MAPKAP1: variants seen among roughly 807,000 people sequenced by gnomAD.
MAPKAP1 encodes MAPK associated protein 1.
In MAPKAP1, 20 loss-of-function variants were observed where a neutral mutation model predicts 65.7. That is an observed-to-expected ratio of 0.30 (90% CI 0.21 to 0.44). The LOEUF (loss-of-function observed/expected upper bound fraction) is 0.44. MAPKAP1 is among the 20% of genes least tolerant of loss of function. MAPKAP1 has a pLI of 1.00. For missense variants in MAPKAP1, 423 were observed against 648.0 expected, an observed-to-expected ratio of 0.65 and a Z score of 3.77; for synonymous variants, 222 against 244.3, an observed-to-expected ratio of 0.91 and a Z score of 0.85.
At chr9:125,698,180 T>C (rs942646145) in intron 1 of MAPKAP1, among the ~76,000 whole-genome samples, 4 of 147,722 alleles carry the variant, frequency 2.7e-5, no homozygotes, top group Non-Finnish European at 5.9e-5. Context: ...AAAAAGTATA[T>C]ATATATACAC....
At chr9:125,526,946 T>G (rs1385697420) in intron 7 of MAPKAP1, among the ~76,000 whole-genome samples, 1 of 151,610 alleles carries the variant, frequency 6.6e-6, no homozygotes, top group Non-Finnish European at 1.5e-5. Context: ...GCTAATTTTT[T>G]GTATTTTTAA....
At position 125,508,688 on chromosome 9, in the gene MAPKAP1, C is replaced by CA. The variant is rs1449399238; in HGVS notation, c.959-2272dup. ...GAAACACAGTGAGCCTTCATCTCTA[C>CA]AAAAAAATTTTTTTAAATTAGCTGG... On this transcript the variant is annotated intron_variant, in intron 7 of 11. Transcript: ENST00000265960. Among the ~76,000 whole-genome samples the CA allele has an allele frequency of 4.6e-5, 7 of 152,176 alleles. No individual in the cohort carries two copies. The South Asian group carries it at 6.2e-4, about 14-fold the overall frequency.
At chr9:125,641,794 G>A (rs1450484632) in intron 4 of MAPKAP1, among the ~76,000 whole-genome samples, 1 of 152,138 alleles carries the variant, frequency 6.6e-6, no homozygotes, top group African/African-American at 2.4e-5. Context: ...CACTTTGGGA[G>A]ACCGAGGCAG....
At position 125,460,030 on chromosome 9, in the gene MAPKAP1, G is replaced by A. The variant is rs1853423093; in HGVS notation, c.1345+7942C>T. Among the ~76,000 whole-genome samples the A allele has an allele frequency of 4.4e-5, 5 of 112,460 alleles. No individual in the cohort carries two copies. In the South Asian group the frequency reaches 1.3e-3, roughly 29 times the overall value. The allele number at this position is 112,460 out of a possible 152,430, so 73.8% of individuals were successfully genotyped here. ...GCTTGGCAGGAGGCAAGGGAAAACA[G>A]ATTATCCCCCATCATTTATCCAGCT... On this transcript the variant is annotated intron_variant, in intron 10 of 11. Transcript: ENST00000265960.
intron 3 of MAPKAP1, among the ~76,000 whole-genome samples, chr9:125,664,495 C>A (rs1834281181): frequency 6.7e-6 from 1 of 150,042 alleles, no homozygotes; most frequent in Non-Finnish European, 1.5e-5. Context: ...GAGGCCGAGG[C>A]GAGAAGATCA....
intron 7 of MAPKAP1, among the ~76,000 whole-genome samples, chr9:125,539,861 A>C (rs1830189259): frequency 6.6e-6 from 1 of 152,268 alleles, no homozygotes; most frequent in African/African-American, 2.4e-5. Flanking sequence ...AGTAAAAAAA[A>C]ATGAAAGGCT....
chr9:125,529,782 C>A (rs758928975), intron 7 of MAPKAP1, among the ~76,000 whole-genome samples: 1 of 152,228 alleles, frequency 6.6e-6, no homozygotes, highest in East Asian at 1.9e-4. Context: ...GATGCTGATA[C>A]GTCCTCTCCC....
chr9:125,699,770 C>T (rs756019421), intron 1 of MAPKAP1, among the ~76,000 whole-genome samples: 20 of 151,774 alleles, frequency 1.3e-4, no homozygotes, highest in African/African-American at 4.4e-4. Context: ...TACAGATGTG[C>T]GCCACCATGC....
At chr9:125,514,723 T>C (rs1829409938) in intron 7 of MAPKAP1, among the ~76,000 whole-genome samples, 1 of 152,164 alleles carries the variant, frequency 6.6e-6, no homozygotes, top group Non-Finnish European at 1.5e-5. Flanking sequence ...AGTGACACAA[T>C]CAGCTTTATA....
chr9:125,577,428 A>G (rs1339891433), intron 5 of MAPKAP1, among the ~76,000 whole-genome samples: 1 of 140,680 alleles, frequency 7.1e-6, no homozygotes, highest in East Asian at 2.3e-4. Context: ...CCCGTCCGGG[A>G]GGGAGGTGGG....
At chr9:125,632,046 T>G (rs995210137) in intron 4 of MAPKAP1, among the ~76,000 whole-genome samples, 2 of 151,686 alleles carry the variant, frequency 1.3e-5, no homozygotes, top group South Asian at 2.1e-4. Context: ...ATGGTGAAAC[T>G]CCATCTCTAC....
chr9:125,585,721 C>T lies in MAPKAP1; in HGVS notation c.505G>A (p.Val169Ile), dbSNP rs1450201052. The T allele has an allele frequency of 1.2e-6, 2 of 1,614,092 alleles. No homozygotes were observed. ...EYSKFDGKGH[V>I]GTTATKKIDV... ...ATCTTCTTGGTTGCTGTTGTACCTA[C>T]ATGACCCTGTGGACAGAACAAACAC... The change falls in exon 5 of 12, where the codon GTA (valine) becomes ATA (isoleucine). Residue 169 changes from valine (V) to isoleucine (I), a missense_variant. Coordinates refer to ENST00000265960, the MANE Select transcript of MAPKAP1 (RefSeq NM_001006617.3).
chr9:125,490,536 T>C (rs1854668020), intron 8 of MAPKAP1, among the ~76,000 whole-genome samples: 1 of 151,644 alleles, frequency 6.6e-6, no homozygotes, highest in East Asian at 1.9e-4. Context: ...CGAAACTCTG[T>C]CTCAAAAAAC....
chr9:125,581,581 T>C (rs1156715192), intron 5 of MAPKAP1, among the ~76,000 whole-genome samples: 2 of 152,220 alleles, frequency 1.3e-5, no homozygotes, highest in Non-Finnish European at 2.9e-5. Context: ...CTATTCTATA[T>C]GTCTTTAGTC....
At chr9:125,581,408 G>A (rs1831620837) in intron 5 of MAPKAP1, among the ~76,000 whole-genome samples, 1 of 152,200 alleles carries the variant, frequency 6.6e-6, no homozygotes, top group East Asian at 1.9e-4. Context: ...ATAGCGTGTG[G>A]TTTTAATTGC....
chr9:125,699,253 G>A (rs1835525112), intron 1 of MAPKAP1, among the ~76,000 whole-genome samples: 1 of 151,876 alleles, frequency 6.6e-6, no homozygotes, highest in South Asian at 2.1e-4. Context: ...CTGTCATCCA[G>A]GCTGGAGTGC....
chr9:125,630,049 A>G (rs1278714260), intron 4 of MAPKAP1, among the ~76,000 whole-genome samples: 1 of 152,196 alleles, frequency 6.6e-6, no homozygotes, highest in Non-Finnish European at 1.5e-5. Context: ...CCTAGGGTCA[A>G]CTAAGGCCTT....
intron 4 of MAPKAP1, among the ~76,000 whole-genome samples, chr9:125,639,900 G>A (rs1833529395): frequency 6.6e-6 from 1 of 152,138 alleles, no homozygotes; most frequent in African/African-American, 2.4e-5. Flanking sequence ...TCTCCTTCTG[G>A]GGAGATATAC....
chr9:125,519,862 G>C (rs1166096722), intron 7 of MAPKAP1, among the ~76,000 whole-genome samples: 1 of 152,018 alleles, frequency 6.6e-6, no homozygotes, highest in Non-Finnish European at 1.5e-5. Flanking sequence ...CTCTAAGGCA[G>C]TTCTGAAGCC....
Sources: allele counts gnomAD v4.1 joint callset (sites outside exome capture counted in the v4.1 genomes callset), GRCh38; gene constraint gnomAD v4.1.1; transcripts MANE v1.5; gene names NCBI Gene and HGNC (gene_info 2026-07-23, HGNC 2026-07-21).